Variants in CACNA1D observed in about 807,000 individuals in gnomAD.
The protein encoded by CACNA1D is calcium voltage-gated channel subunit alpha1 D.
CACNA1D carries 55 observed loss-of-function variants against 257.1 expected under a neutral mutation model. That is an observed-to-expected ratio of 0.21 (90% confidence interval 0.17 to 0.27). The LOEUF (loss-of-function observed/expected upper bound fraction) is 0.27, where lower values mean the gene tolerates loss of function less well. Ranked by LOEUF, CACNA1D falls within the 10% of genes least tolerant of loss-of-function variation. CACNA1D has a pLI of 1.00. For synonymous variants in CACNA1D, 980 were observed against 1,014.9 expected, an observed-to-expected ratio of 0.97 and a Z score of 0.65; for missense variants, 1,876 against 2,784.0, an observed-to-expected ratio of 0.67 and a Z score of 7.34.
At chr3:53,603,765 G>A (rs543630974) in intron 3 of CACNA1D, among the ~76,000 whole-genome samples, 90 of 152,260 alleles carry the variant, frequency 5.9e-4, no homozygotes, top group African/African-American at 1.9e-3. Flanking sequence ...ATACCCCTGG[G>A]GAACTTCAAA....
chr3:53,533,139 C>T (rs2092001993), intron 3 of CACNA1D, among the ~76,000 whole-genome samples: 1 of 152,170 alleles, frequency 6.6e-6, no homozygotes, highest in African/African-American at 2.4e-5. Flanking sequence ...TCATGTTTCC[C>T]CTTTTGTCTT....
chr3:53,508,784 C>T (rs2107214530), intron 3 of CACNA1D, among the ~76,000 whole-genome samples: 1 of 152,258 alleles, frequency 6.6e-6, no homozygotes. Flanking sequence ...TGTTAAATAC[C>T]AGTGGCGGTG....
chr3:53,734,053 G>T, intron 19 of CACNA1D, among the ~76,000 whole-genome samples: 1 of 140,038 alleles, frequency 7.1e-6, no homozygotes, highest in African/African-American at 2.7e-5. Flanking sequence ...TATATATGTT[G>T]AGGGAATGCA....
chr3:53,753,708 A>G (rs1333259916), intron 29 of CACNA1D, 26 bp downstream of exon 29: 2 of 1,391,856 alleles, frequency 1.4e-6, no homozygotes, highest in Non-Finnish European at 2.0e-6. Flanking sequence ...CACTTTTCAA[A>G]GGTTGTTGCT....
intron 3 of CACNA1D, among the ~76,000 whole-genome samples, chr3:53,569,310 C>A (rs897851897): frequency 6.6e-6 from 1 of 152,210 alleles, no homozygotes; most frequent in East Asian, 1.9e-4. Context: ...TGGAGAGGCA[C>A]GCCCTGTCCT....
chr3:53,600,309 G>C (rs1274412249), intron 3 of CACNA1D, among the ~76,000 whole-genome samples: 23 of 152,198 alleles, frequency 1.5e-4, no homozygotes, highest in Non-Finnish European at 2.2e-4. Flanking sequence ...TGCTGAATCT[G>C]TTTCTCTTTC....
intron 3 of CACNA1D, among the ~76,000 whole-genome samples, chr3:53,539,640 G>A (rs1031785618): frequency 1.6e-4 from 25 of 152,170 alleles, no homozygotes; most frequent in Non-Finnish European, 2.9e-5. Context: ...CATAGAAGTC[G>A]AATTGCTGGG....
chr3:53,779,544 C>T (rs1410793245), intron 37 of CACNA1D, among the ~76,000 whole-genome samples: 1 of 152,120 alleles, frequency 6.6e-6, no homozygotes, highest in African/African-American at 2.4e-5. Flanking sequence ...GCAAGCTGGA[C>T]CTGGTGTTGG....
rs2680670 is a variant in CACNA1D at position 53,747,008 on chromosome 3, T to A, written c.3168-294T>A. Among the ~76,000 whole-genome samples, 117,288 of 152,074 alleles carry A rather than the reference T, an allele frequency of 0.77. 46,452 individuals carry two copies. The highest frequency in any genetic ancestry group is 1 in the East Asian group (5,169 of 5,172). On this transcript the variant is annotated intron_variant, in intron 25 of 47. Coordinates refer to ENST00000350061, the MANE Select transcript of CACNA1D (RefSeq NM_001128840.3). ...CTCAAGCCCATTGTGTAAGAGATGC[T>A]CTCACCATGCTGTGGTTTTTATCGG...
At chr3:53,507,628 G>GA (rs1444615571) in intron 3 of CACNA1D, among the ~76,000 whole-genome samples, 3 of 152,060 alleles carry the variant, frequency 2.0e-5, no homozygotes, top group African/African-American at 7.2e-5. Context: ...AAAAATAAAG[G>GA]AAAAAAAGAA....
chr3:53,802,534 T>C (rs2095541509), intron 43 of CACNA1D, among the ~76,000 whole-genome samples: 1 of 152,236 alleles, frequency 6.6e-6, no homozygotes, highest in Non-Finnish European at 1.5e-5. Context: ...TTCTTGTGGG[T>C]GCTTTGCAGC....
chr3:53,556,713 T>C (rs956910035), intron 3 of CACNA1D, among the ~76,000 whole-genome samples: 1 of 148,008 alleles, frequency 6.8e-6, no homozygotes, highest in South Asian at 2.1e-4. Context: ...CTTGCTCTCT[T>C]TTTTTTTTTT....
At chr3:53,674,231 A>G (rs775526387) in intron 8 of CACNA1D, among the ~76,000 whole-genome samples, 3 of 152,186 alleles carry the variant, frequency 2.0e-5, no homozygotes, top group Non-Finnish European at 4.4e-5. Flanking sequence ...ACCACAGTGC[A>G]TTATAAATAC....
intron 3 of CACNA1D, among the ~76,000 whole-genome samples, chr3:53,565,191 C>G (rs527847341): frequency 3.9e-5 from 6 of 152,266 alleles, no homozygotes; most frequent in African/African-American, 1.4e-4. Flanking sequence ...CAGCACTGTA[C>G]TGTATTAATT....
Position 53,495,093 on chromosome 3 carries a change from T to G in CACNA1D, c.-74T>G. 9.2e-6 allele frequency: 9 copies of G among 980,218 alleles called. No homozygotes were observed. Among genetic ancestry groups the G allele is most frequent in the Non-Finnish European group, 1.2e-5 (8 of 659,308 alleles). 60.7% of individuals were successfully genotyped at this position (980,218 alleles called of 1,614,324 possible). ...CGGCTCCTACCTCTTGGTGATCCCC[T>G]TCCCCATTCCGCCCCCGCCTCAACG... On this transcript the variant is annotated 5_prime_UTR_variant, in exon 1 of 48. Transcript: ENST00000350061. This position sits in a 1 kb window ranked among gnomAD's most constrained non-coding sequence, Gnocchi z 5.1.
At chr3:53,577,401 C>T (rs1017421861) in intron 3 of CACNA1D, among the ~76,000 whole-genome samples, 3 of 152,042 alleles carry the variant, frequency 2.0e-5, no homozygotes, top group Non-Finnish European at 2.9e-5. Context: ...GATGTGGTGG[C>T]GAAATAGCCA....
At chr3:53,560,912 A>T (rs535022789) in intron 3 of CACNA1D, among the ~76,000 whole-genome samples, 7 of 152,356 alleles carry the variant, frequency 4.6e-5, no homozygotes, top group African/African-American at 1.2e-4. Context: ...AGAAACAAAG[A>T]TAGGAAAGCA....
At chr3:53,518,053 A>G (rs1228567307) in intron 3 of CACNA1D, among the ~76,000 whole-genome samples, 1 of 152,212 alleles carries the variant, frequency 6.6e-6, no homozygotes, top group East Asian at 1.9e-4. Flanking sequence ...TGGTCACACC[A>G]CTAGCTGGGT....
chr3:53,786,713 G>T, intron 39 of CACNA1D, 109 bp from the exon 40 acceptor site: 2 of 467,158 alleles, frequency 4.3e-6, no homozygotes. Context: ...GCGCCGGACC[G>T]CCCACCCGCC....
Sources: gnomAD v4.1 joint callset for allele counts (sites outside exome capture counted in the v4.1 genomes callset) on GRCh38, gnomAD v4.1.1 for gene constraint, Gnocchi (gnomAD v3.1) non-coding constraint, MANE v1.5 for transcripts, NCBI Gene and HGNC (gene_info 2026-07-23, HGNC 2026-07-21) for gene names.